CUBN: variants seen among roughly 807,000 people sequenced by gnomAD.
CUBN encodes the protein cubilin.
CUBN carries 282 observed loss-of-function variants against 405.3 expected under a neutral mutation model. The observed-to-expected ratio is 0.70, with a 90% CI of 0.63 to 0.77. The LOEUF is 0.77. CUBN is among the 30% of genes least tolerant of loss of function. The probability of loss-of-function intolerance (pLI) is 0.00; values close to 1 mark genes in which losing one functional copy is unlikely to be tolerated. For missense variants in CUBN, 4,514 were observed against 4,475.2 expected (o/e 1.01, Z -0.25); for synonymous variants, 1,684 against 1,617.0 (o/e 1.04, Z -0.99).
chr10:17,123,504 G>A (rs1489661960), intron 5 of CUBN, 84 bp downstream of exon 5: 26 of 1,055,496 alleles, frequency 2.5e-5, no homozygotes, highest in Non-Finnish European at 3.5e-5. Flanking sequence ...AACTTTAGAT[G>A]GAGAATTAAA....
intron 6 of CUBN, among the ~76,000 whole-genome samples, chr10:17,121,552 G>C (rs566462802): frequency 2.5e-4 from 34 of 133,462 alleles, no homozygotes; most frequent in African/African-American, 5.8e-4. Context: ...GTTGTGGGGT[G>C]GGGGGAGGGT....
chr10:16,828,742 A>G, intron 66 of CUBN, 63 bp downstream of exon 66: 1 of 1,316,392 alleles, frequency 7.6e-7, no homozygotes, highest in East Asian at 2.3e-5. Context: ...AAAAGTCTAC[A>G]CTAAGTGACT....
In CUBN at chr10:17,000,496, G is replaced by A. The variant is rs917439962; in HGVS notation, c.4169-9981C>T. ...AAGAATGAATTGTGTCACTTAGTGG[G>A]AAGCCTTTGAAACTGGATCACCATT... On this transcript the variant is annotated intron_variant, in intron 28 of 66. Coordinates refer to ENST00000377833, the MANE Select transcript of CUBN (RefSeq NM_001081.4). 3.6e-4 allele frequency among the ~76,000 whole-genome samples: 55 copies of A among 152,182 alleles called. 2 individuals carry two copies. Among genetic ancestry groups the A allele is most frequent in the Non-Finnish European group, 1.5e-5 (1 of 68,028 alleles).
chr10:16,887,087 C>G (rs757709388), intron 56 of CUBN, among the ~76,000 whole-genome samples: 1 of 152,314 alleles, frequency 6.6e-6, no homozygotes, highest in Non-Finnish European at 1.5e-5. Flanking sequence ...CGTGCCCAGC[C>G]TATATTAATT....
At chr10:17,046,396 G>A (rs908926149) in intron 23 of CUBN, among the ~76,000 whole-genome samples, 1 of 152,082 alleles carries the variant, frequency 6.6e-6, no homozygotes, top group Non-Finnish European at 1.5e-5. Flanking sequence ...TCTGGCAAAT[G>A]TGTCAGAGAA....
rs772094101 is a variant in CUBN at position 17,129,241 on chromosome 10, C to T, written c.132G>A (p.Met44Ile). 8 of 1,613,458 alleles carry T rather than the reference C, an allele frequency of 5.0e-6. No homozygotes were observed. The South Asian group carries it at 7.7e-5, about 16-fold the overall frequency. The change falls in exon 2 of 67, where the codon ATG (methionine) becomes ATA (isoleucine). Residue 44 changes from methionine to isoleucine, a missense_variant. Met to Ile is a conservative substitution (Grantham distance 10). Transcript: ENST00000377833. The part of the protein sequence containing the change: ...KRSINLQQPR[M>I]ATERGNLVFL... ...ACACCAAATTTCCTCTCTCTGTAGC[C>T]ATTCGAGGCCTATATAATTCAAACG...
chr10:16,853,382 G>A (rs568446109), intron 59 of CUBN, among the ~76,000 whole-genome samples: 162 of 152,236 alleles, frequency 1.1e-3, no homozygotes, highest in African/African-American at 3.8e-3. Context: ...TTCTGCTCAC[G>A]GTGAAAAGAC....
intron 54 of CUBN, among the ~76,000 whole-genome samples, chr10:16,892,106 T>G (rs965807732): frequency 5.3e-5 from 8 of 152,204 alleles, no homozygotes; most frequent in African/African-American, 1.7e-4. Flanking sequence ...AATCAGTCCA[T>G]AGCAAGAGAT....
chr10:16,858,805 C>T (rs1839935568), intron 59 of CUBN, among the ~76,000 whole-genome samples: 1 of 152,142 alleles, frequency 6.6e-6, no homozygotes, highest in South Asian at 2.1e-4. Context: ...GAATACAGAA[C>T]CCAGAAATAG....
chr10:16,948,493 T>A lies in CUBN; in HGVS notation c.5194A>T (p.Thr1732Ser). 6.2e-7 allele frequency: 1 copy of A among 1,613,990 alleles called. No homozygotes were observed. Among genetic ancestry groups the A allele is most frequent in the Non-Finnish European group, 8.5e-7 (1 of 1,179,950 alleles). Residue 1732 changes from threonine (T) to serine (S), a missense_variant, in exon 35 of 67, where the codon ACC (threonine) becomes TCC (serine). Coordinates refer to ENST00000377833, the MANE Select transcript of CUBN (RefSeq NM_001081.4). Reference sequence around the variant, plus strand: ...GGTTTCTTACCCGACACTGATGCGGTGACCGTGGTGTGGAAACCCCCAGCA... The same window carrying A: ...GGTTTCTTACCCGACACTGATGCGGAGACCGTGGTGTGGAAACCCCCAGCA... ...ISAGGFHTTV[T>S]ASVSACGGTF...
intron 17 of CUBN, among the ~76,000 whole-genome samples, chr10:17,075,903 T>C (rs1465581961): frequency 2.0e-5 from 3 of 152,216 alleles, no homozygotes; most frequent in Non-Finnish European, 4.4e-5. Context: ...AAATTCTTGT[T>C]GATTCATTAA....
intron 28 of CUBN, among the ~76,000 whole-genome samples, chr10:17,016,000 C>T (rs1834317743): frequency 6.6e-6 from 1 of 152,100 alleles, no homozygotes; most frequent in African/African-American, 2.4e-5. Context: ...CCGAGGTTAC[C>T]AGGTTTAATA....
At chr10:17,051,031 A>G (rs1835253551) in intron 22 of CUBN, among the ~76,000 whole-genome samples, 1 of 152,020 alleles carries the variant, frequency 6.6e-6, no homozygotes, top group Admixed American at 6.6e-5. Flanking sequence ...CATGTCCACT[A>G]TAAAACCCAA....
intron 17 of CUBN, among the ~76,000 whole-genome samples, chr10:17,075,851 T>C (rs1835844458): frequency 6.6e-6 from 1 of 152,182 alleles, no homozygotes; most frequent in Non-Finnish European, 1.5e-5. Flanking sequence ...CTGTTTGCCC[T>C]TCAGCATCTA....
chr10:16,882,748 TCACACCTGTAATCCCAA>T (rs1166683496), intron 56 of CUBN, among the ~76,000 whole-genome samples: 1 of 152,130 alleles, frequency 6.6e-6, no homozygotes, highest in Non-Finnish European at 1.5e-5. Context: ...GCACAGTGGC[TCACACCTGTAATCCCAA>T]CACTTTGGGA....
intron 7 of CUBN, among the ~76,000 whole-genome samples, chr10:17,115,069 C>T (rs1836860376): frequency 6.6e-6 from 1 of 151,934 alleles, no homozygotes; most frequent in South Asian, 2.1e-4. Flanking sequence ...CATGGCAAAA[C>T]CCCGTCTCTA....
At chr10:17,027,603 G>A (rs1313548951) in intron 27 of CUBN, among the ~76,000 whole-genome samples, 1 of 151,942 alleles carries the variant, frequency 6.6e-6, no homozygotes, top group Non-Finnish European at 1.5e-5. Context: ...TATCTTTGGG[G>A]ACCTATTGAC....
intron 55 of CUBN, 62 bp downstream of exon 55, chr10:16,890,309 G>A: frequency 1.3e-6 from 2 of 1,573,692 alleles, no homozygotes; most frequent in Non-Finnish European, 1.7e-6. Flanking sequence ...AGCCAACCCT[G>A]CCTGCCTGTG....
At chr10:17,028,469 C>T (rs1051565323) in intron 27 of CUBN, among the ~76,000 whole-genome samples, 1 of 151,578 alleles carries the variant, frequency 6.6e-6, no homozygotes, top group Non-Finnish European at 1.5e-5. Flanking sequence ...GCCTGTAATC[C>T]CAGCACTTTG....
Sources: gnomAD v4.1 joint callset for allele counts (sites outside exome capture counted in the v4.1 genomes callset) on GRCh38, gnomAD v4.1.1 for gene constraint, MANE v1.5 for transcripts, NCBI Gene and HGNC (gene_info 2026-07-23, HGNC 2026-07-21) for gene names.